Variants in BTBD9 observed in about 807,000 individuals in gnomAD.
The protein encoded by BTBD9 is BTB/POZ domain-containing protein 9.
BTBD9 carries 49 observed loss-of-function variants against 64.3 expected under a neutral mutation model. The ratio of observed to expected loss-of-function variants is 0.76; its 90% CI spans 0.61 to 0.97. The LOEUF (loss-of-function observed/expected upper bound fraction) is 0.97, where lower values mean the gene tolerates loss of function less well. Ranked by LOEUF, BTBD9 falls within the 50% of genes least tolerant of loss-of-function variation. The pLI is 0.00. For missense variants in BTBD9, 598 were observed against 762.1 expected, an observed-to-expected ratio of 0.78 and a Z score of 2.53; for synonymous variants, 260 against 274.7, an observed-to-expected ratio of 0.95 and a Z score of 0.53.
intron 8 of BTBD9, among the ~76,000 whole-genome samples, chr6:38,266,654 GAAAGAAAGAAAGAA>G (rs1765011256): frequency 9.2e-6 from 1 of 108,876 alleles, no homozygotes; most frequent in Non-Finnish European, 1.9e-5. Context: ...AAGAAAGAAA[GAAAGAAAGAAAGAA>G]AGAAAGAAAG....
chr6:38,373,735 C>T (rs1210756997), intron 6 of BTBD9, among the ~76,000 whole-genome samples: 2 of 152,026 alleles, frequency 1.3e-5, no homozygotes, highest in Non-Finnish European at 2.9e-5. Flanking sequence ...ACTATGTTGC[C>T]CTGGCTGGTC....
chr6:38,598,183 T>C, intron 1 of BTBD9, 62 bp from the exon 2 acceptor site: 2 of 1,278,684 alleles, frequency 1.6e-6, no homozygotes, highest in Non-Finnish European at 2.2e-6. Flanking sequence ...GAAAATCACT[T>C]ACCATAAACA....
Position 38,174,832 on chromosome 6 carries a change from A to T in BTBD9, c.*153T>A. The T allele has an allele frequency of 1.1e-6, 1 of 874,354 alleles. No homozygotes were observed. Among genetic ancestry groups the T allele is most frequent in the Non-Finnish European group, 1.8e-6 (1 of 565,476 alleles). The allele number at this position is 874,354 out of a possible 1,614,324, so 54.2% of individuals were successfully genotyped here. On this transcript the variant is annotated 3_prime_UTR_variant, in exon 11 of 11. Transcript: ENST00000481247. ...AGCAGCCCCTTTCTGTCCTTGGGAG[A>T]AAACCTGTTCGGTGTCTGCTTTTGC...
At position 38,594,119 on chromosome 6, in the gene BTBD9, A is replaced by G; in HGVS notation, c.394T>C (p.Tyr132His). Residue 132 changes from tyrosine to histidine, a missense_variant, in exon 3 of 11, where the codon TAT becomes CAT. By Grantham distance (83) the Tyr-to-His change is moderately conservative (BLOSUM62 2). Coordinates refer to ENST00000481247, the MANE Select transcript of BTBD9 (RefSeq NM_001099272.2). ...TGAATGTTAAGTATGGTGCAGAGAT[A>G]CTCAGAGGTAGAATCCTCTAGCTCT... The part of the protein sequence containing the change: ...FPELEDSTSE[Y>H]LCTILNIQNV... 6.2e-7 allele frequency: 1 copy of G among 1,614,210 alleles called. No individual in the cohort carries two copies. The highest frequency in any genetic ancestry group is 8.5e-7 in the Non-Finnish European group (1 of 1,180,028).
At chr6:38,511,084 A>G (rs1327128322) in intron 6 of BTBD9, among the ~76,000 whole-genome samples, 1 of 152,198 alleles carries the variant, frequency 6.6e-6, no homozygotes, top group Non-Finnish European at 1.5e-5. Flanking sequence ...TGGCTATGAC[A>G]TCACTAGGAG....
At chr6:38,289,381 A>AT (rs1267264923) in intron 7 of BTBD9, among the ~76,000 whole-genome samples, 1 of 152,024 alleles carries the variant, frequency 6.6e-6, no homozygotes, top group African/African-American at 2.4e-5. Context: ...CTCAAAAAAA[A>AT]TTTTTTTTAA....
chr6:38,418,036 T>A (rs1452272757), intron 6 of BTBD9, among the ~76,000 whole-genome samples: 1 of 147,790 alleles, frequency 6.8e-6, no homozygotes, highest in Non-Finnish European at 1.5e-5. Flanking sequence ...TACCCTAGAA[T>A]TCTTGCCTCC....
chr6:38,561,814 C>T (rs1775276474), intron 6 of BTBD9, among the ~76,000 whole-genome samples: 2 of 152,222 alleles, frequency 1.3e-5, no homozygotes, highest in South Asian at 4.2e-4. Flanking sequence ...TGAAAAACTA[C>T]TTATTGGGTA....
Position 38,507,088 on chromosome 6 carries a change from G to A in BTBD9, c.1154+70512C>T, listed in dbSNP as rs561264578. On this transcript the variant is annotated intron_variant, in intron 6 of 10. Transcript: ENST00000481247. ...CTCACCTGTCTCCTTCACATCCTTCGGATCTCAGTTTAAAATAACACCTTC... is the reference window on the plus strand; with the variant it reads ...CTCACCTGTCTCCTTCACATCCTTCAGATCTCAGTTTAAAATAACACCTTC... 1.4e-4 allele frequency among the ~76,000 whole-genome samples: 21 copies of A among 152,188 alleles called. 1 individual carries two copies. In the South Asian group the frequency reaches 2.5e-3, roughly 18 times the overall value.
chr6:38,431,147 CA>C (rs1388152629), intron 6 of BTBD9, among the ~76,000 whole-genome samples: 3 of 151,880 alleles, frequency 2.0e-5, no homozygotes, highest in South Asian at 2.1e-4. Context: ...CCATGGTTTT[CA>C]ATACCCATCT....
intron 6 of BTBD9, among the ~76,000 whole-genome samples, chr6:38,539,257 T>G (rs968024693): frequency 1.3e-5 from 2 of 152,214 alleles, no homozygotes; most frequent in Non-Finnish European, 2.9e-5. Context: ...TTAATAACAT[T>G]TCCCATATTC....
At chr6:38,468,379 C>T (rs972101468) in intron 6 of BTBD9, among the ~76,000 whole-genome samples, 2 of 152,332 alleles carry the variant, frequency 1.3e-5, no homozygotes, top group South Asian at 4.1e-4. Flanking sequence ...CAAACTGAAG[C>T]ACTTGTCATT....
intron 8 of BTBD9, among the ~76,000 whole-genome samples, chr6:38,282,850 C>T (rs563436610): frequency 2.0e-5 from 3 of 152,314 alleles, no homozygotes; most frequent in Admixed American, 6.5e-5. Context: ...GTCTCCAACC[C>T]GGTTTTTCCT....
chr6:38,480,053 G>A (rs995897220), intron 6 of BTBD9, among the ~76,000 whole-genome samples: 11 of 152,132 alleles, frequency 7.2e-5, no homozygotes, highest in Non-Finnish European at 1.5e-4. Context: ...TTAAATAAAC[G>A]CTCTTTTCTA....
rs540895794 is a variant in BTBD9 at position 38,208,525 on chromosome 6, C to T, written c.1563-15928G>A. On this transcript the variant is annotated intron_variant, in intron 9 of 10. Coordinates refer to ENST00000481247, the MANE Select transcript of BTBD9 (RefSeq NM_001099272.2). ...AGCTGGGCCTGCATGTCTGTCCCCG[C>T]TAGGTCCCCAAAGGCAGAGCTAGAG... Among the ~76,000 whole-genome samples, 179 of 152,282 alleles carry T rather than the reference C, an allele frequency of 1.2e-3. 1 individual carries two copies. Among genetic ancestry groups the T allele is most frequent in the Non-Finnish European group, 2.2e-3 (152 of 68,012 alleles).
At chr6:38,335,100 T>G (rs1763842886) in intron 7 of BTBD9, among the ~76,000 whole-genome samples, 3 of 152,188 alleles carry the variant, frequency 2.0e-5, no homozygotes, top group Admixed American at 2.0e-4. Flanking sequence ...CCTGCTGCCA[T>G]GTAAGGTGTG....
At chr6:38,635,412 A>G (rs1420384584) in intron 1 of BTBD9, among the ~76,000 whole-genome samples, 1 of 152,220 alleles carries the variant, frequency 6.6e-6, no homozygotes, top group African/African-American at 2.4e-5. Context: ...CTGGAGTTAC[A>G]GGCATGAGCC....
intron 6 of BTBD9, among the ~76,000 whole-genome samples, chr6:38,503,317 C>T (rs1772300534): frequency 6.6e-6 from 1 of 152,208 alleles, no homozygotes; most frequent in East Asian, 1.9e-4. Flanking sequence ...TGCCCTCCCC[C>T]TTCTCTCCAG....
At chr6:38,452,572 G>GA (rs528429520) in intron 6 of BTBD9, among the ~76,000 whole-genome samples, 97 of 145,656 alleles carry the variant, frequency 6.7e-4, no homozygotes, top group Middle Eastern at 3.5e-3. Flanking sequence ...AATGAGAATG[G>GA]AAAAAAAAAA....
Sources: allele counts gnomAD v4.1 joint callset (sites outside exome capture counted in the v4.1 genomes callset), GRCh38; gene constraint gnomAD v4.1.1; transcripts MANE v1.5; gene names NCBI Gene and HGNC (gene_info 2026-07-23, HGNC 2026-07-21).